Variants in CFAP47 observed in about 807,000 individuals in gnomAD.
CFAP47 encodes the protein cilia and flagella associated protein 47.
A neutral mutation model predicts 148.1 loss-of-function variants in CFAP47; 29 were observed. The ratio of observed to expected loss-of-function variants is 0.20; its 90% CI spans 0.15 to 0.27. The LOEUF (loss-of-function observed/expected upper bound fraction) is 0.27, where lower values mean the gene tolerates loss of function less well. Among genes scored for constraint, CFAP47 ranks in the 10% least tolerant of loss-of-function variants. The pLI is 1.00. For missense variants in CFAP47, 1,872 were observed against 1,697.5 expected, an observed-to-expected ratio of 1.10 and a Z score of -1.81; for synonymous variants, 664 against 577.3, an observed-to-expected ratio of 1.15 and a Z score of -2.15.
chrX:35,993,058 A>G (rs1441380225), intron 17 of CFAP47, 132 bp from the exon 18 acceptor site: 2 of 256,091 alleles, frequency 7.8e-6, no homozygotes, highest in Non-Finnish European at 1.4e-5. Context: ...TTCAAACACT[A>G]TTACAAAATC....
intron 57 of CFAP47, among the ~76,000 whole-genome samples, chrX:36,341,516 T>G (rs925948406): frequency 3.6e-5 from 4 of 111,481 alleles, no homozygotes; most frequent in Non-Finnish European, 7.5e-5. Flanking sequence ...ATTAGGGTTA[T>G]GTTCACTTTA....
At chrX:35,944,376 A>G (rs781583315) in intron 3 of CFAP47, among the ~76,000 whole-genome samples, 1 of 111,501 alleles carries the variant, frequency 9.0e-6, no homozygotes, top group Non-Finnish European at 1.9e-5. Flanking sequence ...CATAATCATA[A>G]TTTATTTGGT....
intron 33 of CFAP47, among the ~76,000 whole-genome samples, chrX:36,136,612 A>G (rs1344891745): frequency 9.0e-6 from 1 of 111,275 alleles, no homozygotes; most frequent in Non-Finnish European, 1.9e-5. Context: ...ACATATACAC[A>G]AAATAGTGAC....
At chrX:36,024,260 C>T (rs1321129543) in intron 22 of CFAP47, among the ~76,000 whole-genome samples, 1 of 111,927 alleles carries the variant, frequency 8.9e-6, no homozygotes, top group Admixed American at 9.5e-5. Flanking sequence ...GGAAAAGGAG[C>T]TTATGACCCT....
At chrX:36,264,891 G>A (rs1364897763) in intron 49 of CFAP47, among the ~76,000 whole-genome samples, 1 of 111,665 alleles carries the variant, frequency 9.0e-6, no homozygotes, top group Non-Finnish European at 1.9e-5. Context: ...GACTATTTGG[G>A]CACTTTTTTG....
intron 48 of CFAP47, among the ~76,000 whole-genome samples, chrX:36,247,810 G>A (rs781890258): frequency 9.0e-6 from 1 of 111,246 alleles, no homozygotes; most frequent in African/African-American, 3.2e-5. Flanking sequence ...CAGTTTTCTT[G>A]TCTGCATTAT....
At chrX:36,205,793 A>G (rs1940032717) in intron 45 of CFAP47, among the ~76,000 whole-genome samples, 1 of 112,251 alleles carries the variant, frequency 8.9e-6, no homozygotes, top group Admixed American at 9.5e-5. Flanking sequence ...GGATAATAGT[A>G]GGAATGTAAT....
chrX:36,107,284 A>C (rs1938482500), intron 33 of CFAP47, among the ~76,000 whole-genome samples: 1 of 112,260 alleles, frequency 8.9e-6, no homozygotes, highest in Non-Finnish European at 1.9e-5. Flanking sequence ...CATAAACTTC[A>C]GTCCATTGCA....
At chrX:36,223,226 T>G (rs188690677) in intron 45 of CFAP47, among the ~76,000 whole-genome samples, 1 of 110,725 alleles carries the variant, frequency 9.0e-6, no homozygotes, top group East Asian at 2.8e-4. Flanking sequence ...TTTAGTTAAA[T>G]AAATTTCCCA....
chrX:36,174,077 T>C (rs1373099799), intron 39 of CFAP47, among the ~76,000 whole-genome samples: 1 of 107,917 alleles, frequency 9.3e-6, no homozygotes, highest in Non-Finnish European at 1.9e-5. Context: ...TCTCTTTTGA[T>C]CTTTGTTGGT....
intron 44 of CFAP47, among the ~76,000 whole-genome samples, chrX:36,204,371 T>A (rs1488483091): frequency 9.1e-6 from 1 of 110,045 alleles, no homozygotes; most frequent in Non-Finnish European, 1.9e-5. Context: ...TAGGTGGGAA[T>A]TGAACAATGA....
chrX:36,032,769 A>G (rs777747882), intron 23 of CFAP47, among the ~76,000 whole-genome samples: 10 of 111,129 alleles, frequency 9.0e-5, no homozygotes, highest in Non-Finnish European at 1.5e-4. Flanking sequence ...ACATGACCTT[A>G]TATCACAAAA....
intron 33 of CFAP47, among the ~76,000 whole-genome samples, chrX:36,120,183 T>G (rs1400752023): frequency 9.3e-6 from 1 of 107,084 alleles, no homozygotes; most frequent in Non-Finnish European, 1.9e-5. Flanking sequence ...TTTTTTTTTG[T>G]ATTTTTAGTA....
At chrX:36,381,393 C>CT (rs2147008975) in intron 63 of CFAP47, among the ~76,000 whole-genome samples, 1 of 111,884 alleles carries the variant, frequency 8.9e-6, no homozygotes, top group African/African-American at 3.2e-5. Flanking sequence ...GCATTATCAT[C>CT]TTTTTTAAAT....
chrX:36,230,750 C>T (rs1340808119), intron 46 of CFAP47, among the ~76,000 whole-genome samples: 25 of 107,712 alleles, frequency 2.3e-4, no homozygotes, highest in East Asian at 5.8e-4. Context: ...TTAGGTCTAA[C>T]GTTTAAGTCT....
chrX:36,159,142 T>A (rs5973601), intron 37 of CFAP47, among the ~76,000 whole-genome samples: 5,490 of 111,906 alleles, frequency 0.049, 375 homozygotes, highest in African/African-American at 0.17. Flanking sequence ...GAATGTCCTA[T>A]GAATTTCCCT....
intron 2 of CFAP47, among the ~76,000 whole-genome samples, chrX:35,932,136 C>T (rs1003402362): frequency 1.8e-5 from 2 of 109,115 alleles, no homozygotes; most frequent in Non-Finnish European, 3.8e-5. Flanking sequence ...GCAACCTCAA[C>T]CTTCTGGGCT....
chrX:35,949,860 T>C (rs776173898), intron 4 of CFAP47, among the ~76,000 whole-genome samples: 126 of 112,146 alleles, frequency 1.1e-3, no homozygotes, highest in Middle Eastern at 9.3e-3. Flanking sequence ...ATATCAGCAT[T>C]CAAAAAGTTT....
At chrX:36,258,097 A>G (rs952364332) in intron 49 of CFAP47, among the ~76,000 whole-genome samples, 4 of 112,206 alleles carry the variant, frequency 3.6e-5, no homozygotes, top group Non-Finnish European at 7.5e-5. Context: ...TCCTTAACAC[A>G]ACTGTAAACT....
Sources: gnomAD v4.1 joint callset for allele counts (sites outside exome capture counted in the v4.1 genomes callset) on GRCh38, gnomAD v4.1.1 for gene constraint, MANE v1.5 for transcripts, NCBI Gene and HGNC (gene_info 2026-07-23, HGNC 2026-07-21) for gene names.